The following USF2 variants were observed in gnomAD, a reference collection of about 807,000 sequenced individuals.
USF2 encodes the protein upstream transcription factor 2, c-fos interacting.
USF2 carries 16 observed loss-of-function variants against 46.9 expected under a neutral mutation model. That is an observed-to-expected ratio of 0.34 (90% CI 0.23 to 0.52). USF2 has a LOEUF of 0.52. Among genes scored for constraint, USF2 ranks in the 20% least tolerant of loss-of-function variants. USF2 has a pLI of 0.96. For missense variants in USF2, 411 were observed against 474.0 expected (o/e 0.87, Z 1.23); for synonymous variants, 239 against 194.1 (o/e 1.23, Z -1.92).
intron 7 of USF2, 97 bp downstream of exon 7, chr19:35,271,238 GGGCA>G: frequency 6.8e-7 from 1 of 1,475,286 alleles, no homozygotes; most frequent in Non-Finnish European, 9.4e-7. Context: ...AGCCACTCCT[GGGCA>G]GGCCACAAGT....
At chr19:35,275,700 T>C (rs1236552860) in intron 7 of USF2, 1 of 152,226 alleles carries the variant, frequency 6.6e-6, no homozygotes, top group African/African-American at 2.4e-5. Flanking sequence ...TCCAAATATT[T>C]GTGGGTTTTT....
At chr19:35,273,725 T>G (rs186224612) in intron 7 of USF2, among the ~76,000 whole-genome samples, 3 of 151,994 alleles carry the variant, frequency 2.0e-5, no homozygotes, top group Admixed American at 2.0e-4. Context: ...ATGGGGTAAT[T>G]TTTTTTTATC....
At chr19:35,269,280 C>A in intron 1 of USF2, 117 bp downstream of exon 1, 1 of 915,538 alleles carries the variant, frequency 1.1e-6, no homozygotes, top group Non-Finnish European at 1.3e-6. Context: ...AAATGGAGGC[C>A]GCCGGCGCGG....
At chr19:35,272,054 G>A (rs111541653) in intron 7 of USF2, among the ~76,000 whole-genome samples, 55 of 152,300 alleles carry the variant, frequency 3.6e-4, no homozygotes, top group African/African-American at 1.2e-3. Context: ...GGGGCTGAAT[G>A]CTGAGTCCTA....
Position 35,279,035 on chromosome 19 carries a change from C to T in USF2, c.912C>T (p.Ala304=), listed in dbSNP as rs777682325. ...GCATGCAGGAGACCTTCAAAGAGGCCGAGCGGCTGCAGATGGACAACGAGC... is the reference window on the plus strand; with the variant it reads ...GCATGCAGGAGACCTTCAAAGAGGCTGAGCGGCTGCAGATGGACAACGAGC... ...NQRMQETFKE[A]ERLQMDNELL... The change falls in exon 9 of 10, where the codon GCC becomes GCT. Residue 304 remains alanine (A), a synonymous_variant. Coordinates refer to ENST00000222305, the MANE Select transcript of USF2 (RefSeq NM_003367.4). 13 of 1,593,970 alleles carry T rather than the reference C, an allele frequency of 8.2e-6. No individual in the cohort carries two copies. The highest frequency in any genetic ancestry group is 2.2e-5 in the East Asian group (1 of 44,590).
chr19:35,278,837 G>T (rs771221803), intron 8 of USF2, 45 bp downstream of exon 8: 7 of 1,611,656 alleles, frequency 4.3e-6, no homozygotes, highest in Non-Finnish European at 5.1e-6. Flanking sequence ...CCCGGCCCCC[G>T]ACCCTTGCAT....
In USF2 at chr19:35,270,017, C is replaced by T; in HGVS notation, c.429+14C>T. ...CCCTTCCCGCTGGTAGGTGCCCTGC[C>T]ACCCCTGGGTGGGGGGGGGAGGGAG... On this transcript the variant is annotated intron_variant, in intron 4 of 9. Transcript: ENST00000222305. The T allele has an allele frequency of 7.4e-7, 1 of 1,343,042 alleles. No homozygotes were observed. The highest frequency in any genetic ancestry group is 9.5e-7 in the Non-Finnish European group (1 of 1,053,994). 83.2% of individuals were successfully genotyped at this position (1,343,042 alleles called of 1,614,324 possible).
chr19:35,279,127 G>A (rs538120535), intron 9 of USF2, 40 bp from the exon 10 acceptor site: 21 of 1,612,358 alleles, frequency 1.3e-5, no homozygotes, highest in South Asian at 4.4e-5. Flanking sequence ...GATGCAAGGC[G>A]CTGGCCCTCA....
chr19:35,273,417 T>C (rs972516175), intron 7 of USF2, among the ~76,000 whole-genome samples: 3 of 152,208 alleles, frequency 2.0e-5, no homozygotes, highest in African/African-American at 7.2e-5. Flanking sequence ...TTGCCTTTCC[T>C]ACCCCACTGT....
At chr19:35,271,205 G>C (rs1290948572) in intron 7 of USF2, 64 bp downstream of exon 7, 2 of 1,595,814 alleles carry the variant, frequency 1.3e-6, no homozygotes, top group East Asian at 2.2e-5. Flanking sequence ...GCCAGCCCTG[G>C]AGTGTGGAGT....
At position 35,278,785 on chromosome 19, in the gene USF2, C is replaced by T. The variant is rs1247213268; in HGVS notation, c.815C>T (p.Thr272Met). Residue 272 changes from threonine to methionine, a missense_variant, in exon 8 of 10, where the codon ACG becomes ATG. This residue lies in a region of USF2 where 93 missense variants were observed against 151.6 expected (regional missense o/e 0.61). Coordinates refer to ENST00000222305, the MANE Select transcript of USF2 (RefSeq NM_003367.4). Reference protein sequence around the residue: ...IPDCNADNSKTGASKGGILSK... With the variant: ...IPDCNADNSKMGASKGGILSK... The stretch of plus-strand genomic sequence containing the variant: ...GACTGTAACGCAGACAACAGCAAGA[C>T]GGGAGCGGTGAGCACCCCGGACCCT... 2.4e-5 allele frequency: 38 copies of T among 1,613,926 alleles called. No homozygotes were observed. The highest frequency in any genetic ancestry group is 3.0e-5 in the Non-Finnish European group (35 of 1,180,022).
rs1052005 is a variant in USF2 at position 35,279,498 on chromosome 19, A to G, written c.*242A>G. The G allele has an allele frequency of 2.3e-5, 11 of 487,468 alleles. No homozygotes were observed. Among genetic ancestry groups the G allele is most frequent in the Non-Finnish European group, 3.9e-5 (11 of 282,868 alleles). 30.2% of individuals were successfully genotyped at this position (487,468 alleles called of 1,614,324 possible). Reference sequence around the variant, plus strand: ...GTCTGTCGCCCTTCTCCCGGCCCTCACTAAGCCCCGGCACTTCTAGTGGTC... The same window carrying G: ...GTCTGTCGCCCTTCTCCCGGCCCTCGCTAAGCCCCGGCACTTCTAGTGGTC... On this transcript the variant is annotated 3_prime_UTR_variant, in exon 10 of 10. Transcript: ENST00000222305.
intron 7 of USF2, among the ~76,000 whole-genome samples, chr19:35,273,786 C>T (rs1290355956): frequency 5.3e-5 from 8 of 152,178 alleles, no homozygotes; most frequent in Non-Finnish European, 1.5e-5. Flanking sequence ...GAACTTCTGG[C>T]CTCAGGCAGT....
At chr19:35,270,029 G>C (rs926024513) in intron 4 of USF2, 26 bp downstream of exon 4, 4 of 1,309,396 alleles carry the variant, frequency 3.1e-6, no homozygotes, top group South Asian at 3.9e-5. Flanking sequence ...CCCCTGGGTG[G>C]GGGGGGGAGG....
intron 6 of USF2, 68 bp from the exon 7 acceptor site, chr19:35,271,015 C>G: frequency 6.3e-7 from 1 of 1,586,956 alleles, no homozygotes; most frequent in Non-Finnish European, 8.6e-7. Context: ...AAATCTAATA[C>G]TTAGCAGATG....
rs945054656 is a variant in USF2 at position 35,270,859 on chromosome 19, T to A, written c.668+54T>A. ...GGTGTTGAAATGGAAGGAAGAGGGG[T>A]TTCTGGAGTAGAAGCTGGGCAGTTA... is the stretch of plus-strand genomic sequence containing the variant. On this transcript the variant is annotated intron_variant, in intron 6 of 9. Coordinates refer to ENST00000222305, the MANE Select transcript of USF2 (RefSeq NM_003367.4). 1.9e-6 allele frequency: 3 copies of A among 1,604,060 alleles called. No homozygotes were observed. In the East Asian group the frequency reaches 6.7e-5, roughly 36 times the overall value.
chr19:35,271,207 G>T, intron 7 of USF2, 66 bp downstream of exon 7: 1 of 1,596,006 alleles, frequency 6.3e-7, no homozygotes, highest in East Asian at 2.2e-5. Flanking sequence ...CAGCCCTGGA[G>T]TGTGGAGTGA....
chr19:35,274,409 ACTT>A (rs2066203054), intron 7 of USF2, among the ~76,000 whole-genome samples: 1 of 151,576 alleles, frequency 6.6e-6, no homozygotes, highest in South Asian at 2.1e-4. Context: ...CCTTCCCACC[ACTT>A]CTTGGTACTG....
chr19:35,271,483 T>C (rs1599624625), intron 7 of USF2, among the ~76,000 whole-genome samples: 1 of 152,154 alleles, frequency 6.6e-6, no homozygotes, highest in Non-Finnish European at 1.5e-5. Flanking sequence ...GGGCTGACCT[T>C]TCCACGTGGC....
Sources: allele counts gnomAD v4.1 joint callset (sites outside exome capture counted in the v4.1 genomes callset), GRCh38; gene constraint gnomAD v4.1.1; regional missense constraint gnomAD v4.1.1; transcripts MANE v1.5; gene names NCBI Gene and HGNC (gene_info 2026-07-23, HGNC 2026-07-21).